MYO5B: variants seen among roughly 807,000 people sequenced by gnomAD.
The protein encoded by MYO5B is unconventional myosin-Vb.
In MYO5B, 143 loss-of-function variants were observed where a neutral mutation model predicts 229.3. The observed-to-expected ratio is 0.62, with a 90% CI of 0.54 to 0.72. The LOEUF is 0.72. Ranked by LOEUF, MYO5B falls within the 30% of genes least tolerant of loss-of-function variation. The pLI, the probability that MYO5B is intolerant of heterozygous loss-of-function variation, is 0.00. For synonymous variants in MYO5B, 918 were observed against 885.2 expected, an observed-to-expected ratio of 1.04 and a Z score of -0.66; for missense variants, 2,321 against 2,331.0, an observed-to-expected ratio of 1.00 and a Z score of 0.09.
chr18:50,105,244 TAAATAA>T (rs1568108366), intron 1 of MYO5B, among the ~76,000 whole-genome samples: 1 of 129,520 alleles, frequency 7.7e-6, no homozygotes, highest in Non-Finnish European at 1.7e-5. Context: ...AATAAATAAA[TAAATAA>T]AAAATAGATA....
At chr18:50,079,728 G>T (rs1020385754) in intron 1 of MYO5B, among the ~76,000 whole-genome samples, 11 of 151,818 alleles carry the variant, frequency 7.2e-5, no homozygotes, top group Non-Finnish European at 1.2e-4. Flanking sequence ...GGATGGGCGG[G>T]AGCCTCTGTA....
At chr18:50,172,916 A>C (rs2032939558) in intron 1 of MYO5B, among the ~76,000 whole-genome samples, 1 of 152,242 alleles carries the variant, frequency 6.6e-6, no homozygotes, top group Non-Finnish European at 1.5e-5. Context: ...ATGAACTAGG[A>C]GTAGGTGCAA....
chr18:50,063,105 G>C (rs56396360), intron 1 of MYO5B, among the ~76,000 whole-genome samples: 6,507 of 152,238 alleles, frequency 0.043, 148 homozygotes, highest in African/African-American at 0.054. Context: ...CTCTAGGAGA[G>C]CACAGCCAGC....
chr18:49,936,470 G>A (rs2025251726), intron 15 of MYO5B, 121 bp from the exon 16 acceptor site: 4 of 810,124 alleles, frequency 4.9e-6, no homozygotes, highest in East Asian at 5.5e-5. Context: ...CCAGAAGGAT[G>A]GAAGAAATTT....
chr18:49,894,419 G>A (rs1318995370), intron 22 of MYO5B, among the ~76,000 whole-genome samples: 2 of 152,170 alleles, frequency 1.3e-5, no homozygotes, highest in African/African-American at 4.8e-5. Flanking sequence ...TGATGCTCAG[G>A]TTTGGGGCAA....
intron 35 of MYO5B, chr18:49,840,218 T>G (rs1373500530): frequency 1.3e-5 from 2 of 152,238 alleles, no homozygotes; most frequent in African/African-American, 4.8e-5. Context: ...TAACATTGGG[T>G]AAAGTGATGG....
At chr18:49,849,764 A>C in intron 31 of MYO5B, 104 bp from the exon 32 acceptor site, 1 of 859,394 alleles carries the variant, frequency 1.2e-6, no homozygotes, top group Non-Finnish European at 2.0e-6. Flanking sequence ...GCCCATGGGC[A>C]GCCGTCAGAA....
At chr18:50,113,060 G>A (rs530932013) in intron 1 of MYO5B, among the ~76,000 whole-genome samples, 5 of 152,216 alleles carry the variant, frequency 3.3e-5, no homozygotes, top group Admixed American at 6.5e-5. Flanking sequence ...AGAATTAATC[G>A]TTTTTCCCTG....
At chr18:50,188,174 G>C (rs775946694) in intron 1 of MYO5B, among the ~76,000 whole-genome samples, 52 of 152,060 alleles carry the variant, frequency 3.4e-4, no homozygotes, top group African/African-American at 1.2e-3. Flanking sequence ...TATACATCTA[G>C]CTCATACCTG....
intron 1 of MYO5B, among the ~76,000 whole-genome samples, chr18:50,077,512 C>A (rs1292095876): frequency 1.6e-5 from 2 of 122,096 alleles, no homozygotes; most frequent in African/African-American, 9.2e-5. Context: ...AACACACACA[C>A]ACACACACAC....
intron 33 of MYO5B, among the ~76,000 whole-genome samples, chr18:49,846,424 C>T (rs1343614355): frequency 6.6e-6 from 1 of 152,156 alleles, no homozygotes. Context: ...CTCACAACTC[C>T]ATGCCAGCGG....
At chr18:50,141,423 G>A (rs907715846) in intron 1 of MYO5B, among the ~76,000 whole-genome samples, 1 of 152,182 alleles carries the variant, frequency 6.6e-6, no homozygotes, top group Non-Finnish European at 1.5e-5. Flanking sequence ...TGTTCTGCAG[G>A]AGTTGTCATG....
intron 2 of MYO5B, among the ~76,000 whole-genome samples, chr18:50,040,725 T>G (rs1042670015): frequency 1.3e-5 from 2 of 152,202 alleles, no homozygotes; most frequent in East Asian, 1.9e-4. Flanking sequence ...TGGATCATCT[T>G]GTATCTGATG....
At chr18:50,001,718 C>T (rs1048187356) in intron 4 of MYO5B, among the ~76,000 whole-genome samples, 5 of 152,170 alleles carry the variant, frequency 3.3e-5, no homozygotes, top group Non-Finnish European at 7.4e-5. Context: ...CACTCCCTTA[C>T]ACACATCCTT....
At chr18:50,191,978 G>A (rs779092225) in intron 1 of MYO5B, among the ~76,000 whole-genome samples, 92 of 152,050 alleles carry the variant, frequency 6.1e-4, no homozygotes, top group South Asian at 1.0e-3. Context: ...AGTTTATGGG[G>A]ACAATCAGTT....
intron 4 of MYO5B, among the ~76,000 whole-genome samples, chr18:50,001,792 G>A (rs1013749155): frequency 6.6e-6 from 1 of 151,850 alleles, no homozygotes; most frequent in African/African-American, 2.4e-5. Flanking sequence ...CAGCACTCTG[G>A]GAGGCCGAGG....
chr18:50,166,504 A>T (rs1324343524), intron 1 of MYO5B, among the ~76,000 whole-genome samples: 2 of 152,224 alleles, frequency 1.3e-5, no homozygotes, highest in Non-Finnish European at 2.9e-5. Flanking sequence ...ATTCTAGGCT[A>T]TTATAGTAGA....
At chr18:50,044,534 GA>G (rs1324502734) in intron 2 of MYO5B, among the ~76,000 whole-genome samples, 2 of 152,066 alleles carry the variant, frequency 1.3e-5, no homozygotes, top group African/African-American at 4.8e-5. Context: ...TGGGAATCAG[GA>G]ACAGATGGAG....
At chr18:49,901,478 C>G (rs1403211196) in intron 21 of MYO5B, among the ~76,000 whole-genome samples, 1 of 152,146 alleles carries the variant, frequency 6.6e-6, no homozygotes, top group African/African-American at 2.4e-5. Context: ...GGGAAGGTGG[C>G]CAGGGTAGAA....
Sources: gnomAD v4.1 joint callset for allele counts (sites outside exome capture counted in the v4.1 genomes callset) on GRCh38, gnomAD v4.1.1 for gene constraint, MANE v1.5 for transcripts, NCBI Gene and HGNC (gene_info 2026-07-23, HGNC 2026-07-21) for gene names.